NRXN1: variants seen among roughly 807,000 people sequenced by gnomAD.
NRXN1 encodes the protein neurexin 1.
A neutral mutation model predicts 150.9 loss-of-function variants in NRXN1; 39 were observed. The observed-to-expected ratio is 0.26, with a 90% CI of 0.20 to 0.34. The LOEUF (loss-of-function observed/expected upper bound fraction) is 0.34, where lower values mean the gene tolerates loss of function less well. Among genes scored for constraint, NRXN1 ranks in the 10% least tolerant of loss-of-function variants. NRXN1 has a pLI of 1.00. For missense variants in NRXN1, 1,815 were observed against 1,949.9 expected (o/e 0.93, Z 1.30); for synonymous variants, 924 against 757.0 (o/e 1.22, Z -3.62).
intron 19 of NRXN1, among the ~76,000 whole-genome samples, chr2:50,056,406 A>C (rs996886677): frequency 1.3e-5 from 2 of 152,150 alleles, no homozygotes; most frequent in African/African-American, 4.8e-5. Context: ...ATATGACTGA[A>C]AATATTTCAC....
At chr2:49,975,546 C>G (rs1573164955) in intron 21 of NRXN1, among the ~76,000 whole-genome samples, 1 of 151,988 alleles carries the variant, frequency 6.6e-6, no homozygotes, top group African/African-American at 2.4e-5. Flanking sequence ...TTTGCAAATT[C>G]TTTCTTTCAT....
intron 13 of NRXN1, among the ~76,000 whole-genome samples, chr2:50,505,625 T>C (rs1315599401): frequency 1.5e-4 from 23 of 152,186 alleles, no homozygotes; most frequent in Admixed American, 1.5e-3. Context: ...CTGTAAATTT[T>C]TTTTACCTTC....
intron 18 of NRXN1, among the ~76,000 whole-genome samples, chr2:50,150,834 G>A (rs1382779606): frequency 6.6e-6 from 1 of 151,640 alleles, no homozygotes; most frequent in Non-Finnish European, 1.5e-5. Flanking sequence ...GGTAGATTGA[G>A]GAGTAGGCTC....
intron 18 of NRXN1, among the ~76,000 whole-genome samples, chr2:50,192,035 T>C (rs2061478947): frequency 6.6e-6 from 1 of 152,130 alleles, no homozygotes; most frequent in Non-Finnish European, 1.5e-5. Context: ...TTTTAAGTCC[T>C]AAAAAGAGGA....
intron 5 of NRXN1, among the ~76,000 whole-genome samples, chr2:50,908,595 C>T (rs1684070988): frequency 6.6e-6 from 1 of 151,814 alleles, no homozygotes; most frequent in Admixed American, 6.6e-5. Flanking sequence ...GTCTTCAGCA[C>T]TGTGAAGGAT....
intron 8 of NRXN1, among the ~76,000 whole-genome samples, chr2:50,562,476 A>G (rs12995085): frequency 0.13 from 19,467 of 152,072 alleles, 1,426 homozygotes; most frequent in African/African-American, 0.2. Context: ...GATCATGCTC[A>G]TCAATTTTAA....
chr2:50,294,207 T>A (rs1302633494), intron 17 of NRXN1, among the ~76,000 whole-genome samples: 1 of 152,170 alleles, frequency 6.6e-6, no homozygotes, highest in Admixed American at 6.6e-5. Flanking sequence ...AGCAAAAAAT[T>A]AATTTACAAT....
intron 2 of NRXN1, among the ~76,000 whole-genome samples, chr2:50,973,562 A>C (rs567752255): frequency 6.6e-5 from 10 of 152,080 alleles, no homozygotes; most frequent in Non-Finnish European, 1.5e-4. Context: ...TTTCTTCATT[A>C]ATTAATTATA....
intron 17 of NRXN1, among the ~76,000 whole-genome samples, chr2:50,273,939 T>C: frequency 6.6e-6 from 1 of 152,146 alleles, no homozygotes; most frequent in East Asian, 1.9e-4. Context: ...GAGTGTAAAT[T>C]AGTTCAGCCA....
chr2:50,813,297 TTTG>T (rs1401324553), intron 5 of NRXN1, among the ~76,000 whole-genome samples: 9 of 152,218 alleles, frequency 5.9e-5, no homozygotes, highest in African/African-American at 2.2e-4. Context: ...CATTTTCTTT[TTTG>T]TTATCTTTTA....
chr2:50,950,001 G>A (rs1399695181), intron 2 of NRXN1, among the ~76,000 whole-genome samples: 1 of 152,118 alleles, frequency 6.6e-6, no homozygotes, highest in African/African-American at 2.4e-5. Context: ...GAAGGCAGGA[G>A]GAGATTAATT....
rs112000498 is a variant in NRXN1, at chr2:50,779,684, C to T, written c.832+142185G>A. Among the ~76,000 whole-genome samples the T allele has an allele frequency of 3.3e-5, 5 of 152,116 alleles. No homozygotes were observed. The East Asian group carries it at 5.8e-4, about 18-fold the overall frequency. On this transcript the variant is annotated intron_variant, in intron 5 of 22. Coordinates refer to ENST00000401669, the MANE Select transcript of NRXN1 (RefSeq NM_001330078.2). ...TTGGGAGGCTGAGGCAGGAGAATGG[C>T]GTGAACCTGGGAGGTGGAGCTTGCA... is the stretch of plus-strand genomic sequence containing the variant.
At chr2:50,018,975 G>C (rs1355792162) in intron 21 of NRXN1, among the ~76,000 whole-genome samples, 1 of 152,070 alleles carries the variant, frequency 6.6e-6, no homozygotes, top group Non-Finnish European at 1.5e-5. Flanking sequence ...AGAATACAAA[G>C]GAAATATTAC....
rs375890523 is a variant in NRXN1 at position 50,255,151 on chromosome 2, C to A, written c.3365-18181G>T. Among the ~76,000 whole-genome samples the A allele has an allele frequency of 4.2e-4, 64 of 151,650 alleles. No homozygotes were observed. The East Asian group carries it at 9.3e-3, about 22-fold the overall frequency. On this transcript the variant is annotated intron_variant, in intron 17 of 22. Coordinates refer to ENST00000401669, the MANE Select transcript of NRXN1 (RefSeq NM_001330078.2). ...ATAACGGTTATAAAAAACAAACAAACAAAAAAAACTGGAAAGTTAGGTCAC... is the reference window on the plus strand; with the variant it reads ...ATAACGGTTATAAAAAACAAACAAAAAAAAAAAACTGGAAAGTTAGGTCAC...
intron 5 of NRXN1, among the ~76,000 whole-genome samples, chr2:50,691,180 A>G (rs1692020461): frequency 6.6e-6 from 1 of 152,154 alleles, no homozygotes; most frequent in African/African-American, 2.4e-5. Context: ...TTGATTTTAT[A>G]CCCTAAGTGA....
At chr2:50,049,550 ATAG>A (rs1172846395) in intron 21 of NRXN1, among the ~76,000 whole-genome samples, 7 of 152,154 alleles carry the variant, frequency 4.6e-5, no homozygotes, top group African/African-American at 1.4e-4. Flanking sequence ...TGTATTCTCT[ATAG>A]TATGTATGTA....
chr2:50,179,862 C>T (rs1216726809), intron 18 of NRXN1, among the ~76,000 whole-genome samples: 1 of 152,106 alleles, frequency 6.6e-6, no homozygotes, highest in Non-Finnish European at 1.5e-5. Context: ...AAACTGCCTG[C>T]TGCTCCTCCT....
intron 5 of NRXN1, among the ~76,000 whole-genome samples, chr2:50,650,490 A>G (rs536750570): frequency 6.6e-6 from 1 of 152,162 alleles, no homozygotes; most frequent in Admixed American, 6.6e-5. Flanking sequence ...GACAGCAAAC[A>G]CACCAATAAA....
chr2:50,584,296 T>C (rs1013436129), intron 8 of NRXN1, among the ~76,000 whole-genome samples: 2 of 152,184 alleles, frequency 1.3e-5, no homozygotes, highest in Non-Finnish European at 2.9e-5. Context: ...AAGATATCCT[T>C]CAACTCAATA....
Sources: allele counts gnomAD v4.1 joint callset (sites outside exome capture counted in the v4.1 genomes callset), GRCh38; gene constraint gnomAD v4.1.1; transcripts MANE v1.5; gene names NCBI Gene and HGNC (gene_info 2026-07-23, HGNC 2026-07-21).